The following TDRD9 variants were observed in gnomAD, a reference collection of about 807,000 sequenced individuals.
TDRD9 encodes the protein tudor domain containing 9.
TDRD9 carries 124 observed loss-of-function variants against 172.6 expected under a neutral mutation model. That is an observed-to-expected ratio of 0.72 (90% CI 0.62 to 0.83). The LOEUF is 0.83. Ranked by LOEUF, TDRD9 falls within the 40% of genes least tolerant of loss-of-function variation. The pLI, the probability that TDRD9 is intolerant of heterozygous loss-of-function variation, is 0.00. For synonymous variants in TDRD9, 619 were observed against 617.1 expected (o/e 1.00, Z -0.05); for missense variants, 1,479 against 1,714.1 (o/e 0.86, Z 2.42).
At chr14:104,002,346 T>C (rs11849423) in intron 13 of TDRD9, among the ~76,000 whole-genome samples, 7 of 148,746 alleles carry the variant, frequency 4.7e-5, no homozygotes, top group African/African-American at 1.7e-4. Flanking sequence ...AAGAAAAAAA[T>C]TTTAGACAAA....
intron 34 of TDRD9, among the ~76,000 whole-genome samples, chr14:104,047,739 CT>C (rs1284978034): frequency 1.3e-5 from 2 of 152,152 alleles, no homozygotes; most frequent in Non-Finnish European, 2.9e-5. Context: ...TGGTTAATTT[CT>C]GTTGATCTGT....
At chr14:104,035,391 T>C (rs551010607) in intron 32 of TDRD9, among the ~76,000 whole-genome samples, 3 of 152,200 alleles carry the variant, frequency 2.0e-5, no homozygotes, top group Non-Finnish European at 4.4e-5. Context: ...GTGAATGTGA[T>C]TCCAAGTTTT....
chr14:104,044,101 A>C (rs2035692756), intron 34 of TDRD9, among the ~76,000 whole-genome samples: 1 of 152,192 alleles, frequency 6.6e-6, no homozygotes, highest in South Asian at 2.1e-4. Flanking sequence ...AGGGGCCTGC[A>C]GGCCTGCCTT....
intron 1 of TDRD9, among the ~76,000 whole-genome samples, chr14:103,952,675 G>A (rs1317552260): frequency 6.9e-6 from 1 of 144,380 alleles, no homozygotes; most frequent in South Asian, 2.3e-4. Flanking sequence ...AAAGTTAAAA[G>A]TCACATTTCT....
At chr14:104,004,783 A>G (rs9671921) in intron 14 of TDRD9, among the ~76,000 whole-genome samples, 65,576 of 152,032 alleles carry the variant, frequency 0.43, 14,489 homozygotes, top group Admixed American at 0.51. Context: ...TATTGATTAC[A>G]CATCAGGCTA....
At chr14:104,012,850 C>T (rs1482840019) in intron 20 of TDRD9, among the ~76,000 whole-genome samples, 1 of 152,196 alleles carries the variant, frequency 6.6e-6, no homozygotes, top group Non-Finnish European at 1.5e-5. Flanking sequence ...CCTCCTGCCT[C>T]AGCCTCCTAA....
At chr14:103,952,048 G>GCGC (rs2031903118) in intron 1 of TDRD9, among the ~76,000 whole-genome samples, 1 of 148,056 alleles carries the variant, frequency 6.8e-6, no homozygotes, top group African/African-American at 2.5e-5. Flanking sequence ...GATTACCGGC[G>GCGC]TGAGCCACCA....
At position 104,005,413 on chromosome 14, in the gene TDRD9, T is replaced by C; in HGVS notation, c.1713+8T>C. 6.2e-7 allele frequency: 1 copy of C among 1,613,924 alleles called. No homozygotes were observed. Among genetic ancestry groups the C allele is most frequent in the Non-Finnish European group, 8.5e-7 (1 of 1,179,842 alleles). On this transcript the variant is annotated splice_region_variant and intron_variant, in intron 15 of 35. Coordinates refer to ENST00000409874, the MANE Select transcript of TDRD9 (RefSeq NM_153046.3). ...ATCCTTCTACTAAAGGAGGTAGGAC[T>C]GCCTGCTGGTTAGTACTGTTGGCAT...
In TDRD9 at chr14:104,016,073, C is replaced by T. The variant is rs138101798; in HGVS notation, c.2316C>T (p.Pro772=). The stretch of plus-strand genomic sequence containing the variant: ...TGAGGGAGCTGGCTGGCAAGGACCC[C>T]AAGACAACTGTCGTGGTAGGTGCTG... ...MAVRELAGKD[P]KTTVVLKHIP... is the part of the protein sequence containing the mutation. Residue 772 remains proline, a synonymous_variant, in exon 22 of 36, where the codon CCC becomes CCT. Transcript: ENST00000409874. The T allele has an allele frequency of 1.5e-5, 24 of 1,601,992 alleles. No individual in the cohort carries two copies. Among genetic ancestry groups the T allele is most frequent in the Non-Finnish European group, 2.0e-5 (23 of 1,174,498 alleles).
At chr14:104,040,090 A>T in intron 32 of TDRD9, 106 bp from the exon 33 acceptor site, 1 of 1,060,972 alleles carries the variant, frequency 9.4e-7, no homozygotes, top group Non-Finnish European at 1.2e-6. Context: ...TTGCTGTACT[A>T]GGGCTGGCAG....
At chr14:103,951,356 C>A (rs1383433294) in intron 1 of TDRD9, among the ~76,000 whole-genome samples, 1 of 152,304 alleles carries the variant, frequency 6.6e-6, no homozygotes. Flanking sequence ...TTTGTTGCTT[C>A]CCTTTATCTG....
chr14:103,941,788 G>A (rs903775588), intron 1 of TDRD9: 98 of 990,260 alleles, frequency 9.9e-5, no homozygotes, highest in East Asian at 5.6e-4. Context: ...AAATTTGCCC[G>A]AAAAGTGCAC....
intron 8 of TDRD9, among the ~76,000 whole-genome samples, chr14:103,989,743 T>C (rs1163540802): frequency 5.3e-5 from 8 of 152,212 alleles, no homozygotes; most frequent in Non-Finnish European, 1.2e-4. Flanking sequence ...ATGAGTCTCA[T>C]CTCAGGAAAG....
intron 8 of TDRD9, among the ~76,000 whole-genome samples, chr14:103,988,834 G>C (rs962055625): frequency 4.0e-5 from 6 of 151,808 alleles, no homozygotes; most frequent in African/African-American, 1.5e-4. Flanking sequence ...CTGGGACTTA[G>C]AGGTGCGTGC....
intron 6 of TDRD9, 25 bp downstream of exon 6, chr14:103,970,646 G>C: frequency 6.7e-7 from 1 of 1,488,432 alleles, no homozygotes; most frequent in Non-Finnish European, 9.2e-7. Flanking sequence ...ATGAGTAACA[G>C]ACATATTTAG....
chr14:104,005,228 A>G, intron 14 of TDRD9, 46 bp from the exon 15 acceptor site: 1 of 1,603,360 alleles, frequency 6.2e-7, no homozygotes, highest in South Asian at 1.1e-5. Flanking sequence ...CGGCTAACTG[A>G]TTTAGTTATG....
chr14:103,995,883 A>G, intron 12 of TDRD9, 76 bp downstream of exon 12: 1 of 1,321,378 alleles, frequency 7.6e-7, no homozygotes, highest in Middle Eastern at 1.9e-4. Flanking sequence ...TCACTCAGGA[A>G]TTGTTCTTCT....
chr14:103,967,632 TC>T (rs977773360), intron 5 of TDRD9, among the ~76,000 whole-genome samples: 1 of 152,152 alleles, frequency 6.6e-6, no homozygotes, highest in African/African-American at 2.4e-5. Context: ...CAACATATAC[TC>T]CAGGCAAAGC....
chr14:104,020,903 C>T (rs74089114), intron 23 of TDRD9, among the ~76,000 whole-genome samples: 8,101 of 152,166 alleles, frequency 0.053, 593 homozygotes, highest in African/African-American at 0.16. Context: ...TCCATGCCTG[C>T]TCCTCATGCC....
Sources: gnomAD v4.1 joint callset for allele counts (sites outside exome capture counted in the v4.1 genomes callset) on GRCh38, gnomAD v4.1.1 for gene constraint, MANE v1.5 for transcripts, NCBI Gene and HGNC (gene_info 2026-07-23, HGNC 2026-07-21) for gene names.